CNTN3: variants seen among roughly 807,000 people sequenced by gnomAD.
The protein encoded by CNTN3 is contactin-3.
Under a neutral mutation model 119.1 loss-of-function variants are expected in CNTN3, and 60 were observed. That is an observed-to-expected ratio of 0.50 (90% confidence interval 0.41 to 0.62). The LOEUF is 0.62. Ranked by LOEUF, CNTN3 falls within the 20% of genes least tolerant of loss-of-function variation. The probability of loss-of-function intolerance (pLI) is 0.00; values close to 1 mark genes in which losing one functional copy is unlikely to be tolerated. For missense variants in CNTN3, 1,101 were observed against 1,242.4 expected (o/e 0.89, Z 1.71); for synonymous variants, 450 against 438.7 (o/e 1.03, Z -0.32).
chr3:74,483,493 A>G (rs982141703), intron 4 of CNTN3, among the ~76,000 whole-genome samples: 6 of 152,016 alleles, frequency 3.9e-5, no homozygotes, highest in African/African-American at 9.7e-5. Context: ...CCATGCTCTC[A>G]TCTCAGGGAT....
At chr3:74,357,217 T>C (rs756950022) in intron 11 of CNTN3, among the ~76,000 whole-genome samples, 17 of 151,538 alleles carry the variant, frequency 1.1e-4, no homozygotes, top group Non-Finnish European at 2.4e-4. Context: ...TGAGCCACCG[T>C]GCCTGGCCGA....
intron 4 of CNTN3, among the ~76,000 whole-genome samples, chr3:74,469,087 G>A (rs1219825823): frequency 3.9e-5 from 6 of 152,072 alleles, no homozygotes; most frequent in Non-Finnish European, 8.8e-5. Flanking sequence ...TTGTTTCATA[G>A]CATAAATTCT....
intron 5 of CNTN3, among the ~76,000 whole-genome samples, chr3:74,410,473 G>C (rs2106869329): frequency 6.6e-6 from 1 of 152,212 alleles, no homozygotes; most frequent in East Asian, 1.9e-4. Flanking sequence ...TTCTCTCTCT[G>C]AGTTGTCAAA....
At chr3:74,518,468 GTACAAA>G (rs946519724) in intron 2 of CNTN3, among the ~76,000 whole-genome samples, 1 of 151,860 alleles carries the variant, frequency 6.6e-6, no homozygotes, top group Non-Finnish European at 1.5e-5. Flanking sequence ...ATTACACTGT[GTACAAA>G]TACTACAGAA....
intron 5 of CNTN3, among the ~76,000 whole-genome samples, chr3:74,393,720 G>C (rs1704974102): frequency 6.6e-6 from 1 of 152,186 alleles, no homozygotes; most frequent in South Asian, 2.1e-4. Flanking sequence ...AGGTCAGAGA[G>C]GAAGCGAGGG....
rs1430091978 is a variant in CNTN3 at position 74,535,547 on chromosome 3, C to CCAGA, written c.-80-14359_-80-14356dup. 6.6e-5 allele frequency among the ~76,000 whole-genome samples: 10 copies of CCAGA among 152,016 alleles called. No individual in the cohort carries two copies. The East Asian group carries it at 1.8e-3, about 27-fold the overall frequency. On this transcript the variant is annotated intron_variant, in intron 1 of 22. Coordinates refer to ENST00000263665, the MANE Select transcript of CNTN3 (RefSeq NM_020872.3). The stretch of plus-strand genomic sequence containing the variant: ...TGCAGATACCCCTGAGTCTGATAGG[C>CCAGA]CAGATACAAAAGCATATGGAGGGTG...
In CNTN3 at chr3:74,279,414, C is replaced by T. The variant is rs114119274; in HGVS notation, c.2704+5891G>A. On this transcript the variant is annotated intron_variant, in intron 20 of 22. Coordinates refer to ENST00000263665, the MANE Select transcript of CNTN3 (RefSeq NM_020872.3). ...AAACTGTGATATATATATACATATA[C>T]ATACACATACAAACACACACACATA... 9.9e-3 allele frequency among the ~76,000 whole-genome samples: 1,505 copies of T among 152,004 alleles called. 32 individuals carry two copies. Among genetic ancestry groups the T allele is most frequent in the African/African-American group, 0.035 (1,439 of 41,356 alleles).
intron 5 of CNTN3, among the ~76,000 whole-genome samples, chr3:74,412,237 T>C (rs1280656128): frequency 6.6e-6 from 1 of 152,202 alleles, no homozygotes; most frequent in African/African-American, 2.4e-5. Flanking sequence ...ACTCTTTAGA[T>C]TTCCCCTACT....
intron 4 of CNTN3, among the ~76,000 whole-genome samples, chr3:74,471,085 C>T (rs188105677): frequency 6.6e-6 from 1 of 152,176 alleles, no homozygotes; most frequent in Non-Finnish European, 1.5e-5. Flanking sequence ...TCATGTTGGT[C>T]AGGATGGTCT....
At chr3:74,322,169 C>CAAAAAAAAAAAAAA (rs35201394) in intron 13 of CNTN3, among the ~76,000 whole-genome samples, 2 of 94,176 alleles carry the variant, frequency 2.1e-5, no homozygotes, top group African/African-American at 3.8e-5. Flanking sequence ...CTGGGTGACT[C>CAAAAAAAAAAAAAA]AAAAAAAAAA....
At chr3:74,360,857 C>G (rs919109549) in intron 11 of CNTN3, among the ~76,000 whole-genome samples, 1 of 152,174 alleles carries the variant, frequency 6.6e-6, no homozygotes, top group Admixed American at 6.5e-5. Flanking sequence ...ACCAATCCTT[C>G]TGCCTCCCTC....
intron 5 of CNTN3, among the ~76,000 whole-genome samples, chr3:74,389,201 C>A (rs879458193): frequency 6.6e-6 from 1 of 152,078 alleles, no homozygotes; most frequent in South Asian, 2.1e-4. Flanking sequence ...TATTTAAAGA[C>A]AATTAAATCA....
At chr3:74,472,316 T>C (rs1702580195) in intron 4 of CNTN3, among the ~76,000 whole-genome samples, 1 of 152,158 alleles carries the variant, frequency 6.6e-6, no homozygotes, top group East Asian at 1.9e-4. Flanking sequence ...GCCCTCTCTG[T>C]ACCAATCATT....
chr3:74,450,274 A>G (rs1224672449), intron 4 of CNTN3, among the ~76,000 whole-genome samples: 1 of 152,086 alleles, frequency 6.6e-6, no homozygotes, highest in Admixed American at 6.6e-5. Flanking sequence ...GTTATAAAAC[A>G]TAGAAGGAAA....
intron 5 of CNTN3, among the ~76,000 whole-genome samples, chr3:74,423,398 A>T (rs1701647349): frequency 6.6e-6 from 1 of 152,168 alleles, no homozygotes; most frequent in Non-Finnish European, 1.5e-5. Flanking sequence ...TTGCTCAGTC[A>T]CTAGATGTGG....
At chr3:74,574,340 A>C (rs1360466701) in intron 1 of CNTN3, among the ~76,000 whole-genome samples, 1 of 152,186 alleles carries the variant, frequency 6.6e-6, no homozygotes, top group Non-Finnish European at 1.5e-5. Flanking sequence ...TTTTAGAGTG[A>C]TGAACATGTT....
At chr3:74,497,545 T>C (rs542765692) in intron 3 of CNTN3, among the ~76,000 whole-genome samples, 9 of 152,046 alleles carry the variant, frequency 5.9e-5, no homozygotes, top group East Asian at 5.8e-4. Context: ...TTTCTAGTGG[T>C]CATAAACTTT....
chr3:74,355,732 A>T (rs1437181205), intron 11 of CNTN3, among the ~76,000 whole-genome samples: 3 of 151,946 alleles, frequency 2.0e-5, no homozygotes, highest in Non-Finnish European at 4.4e-5. Flanking sequence ...AGGGATTACA[A>T]GCATGAGCCA....
At chr3:74,577,435 A>G (rs528125476) in intron 1 of CNTN3, among the ~76,000 whole-genome samples, 15 of 152,106 alleles carry the variant, frequency 9.9e-5, no homozygotes, top group South Asian at 6.2e-4. Context: ...AGTGGGGGGG[A>G]AAAAGAATTA....
Sources: gnomAD v4.1 joint callset for allele counts (sites outside exome capture counted in the v4.1 genomes callset) on GRCh38, gnomAD v4.1.1 for gene constraint, MANE v1.5 for transcripts, NCBI Gene and HGNC (gene_info 2026-07-23, HGNC 2026-07-21) for gene names.